PHYH: variants seen among roughly 807,000 people sequenced by gnomAD.
The protein encoded by PHYH is phytanoyl-CoA 2-hydroxylase.
In PHYH, 32 loss-of-function variants were observed where a neutral mutation model predicts 38.5. That is an observed-to-expected ratio of 0.83 (90% CI 0.63 to 1.12). The LOEUF is 1.12. Among genes scored for constraint, PHYH ranks in the 50% most tolerant of loss-of-function variants. The probability of loss-of-function intolerance (pLI) is 0.00; values close to 1 mark genes in which losing one functional copy is unlikely to be tolerated. For missense variants in PHYH, 426 were observed against 434.8 expected (o/e 0.98, Z 0.18); for synonymous variants, 166 against 157.9 (o/e 1.05, Z -0.38).
chr10:13,286,100 T>A (rs140429570), intron 6 of PHYH, among the ~76,000 whole-genome samples: 1 of 151,936 alleles, frequency 6.6e-6, no homozygotes, highest in Non-Finnish European at 1.5e-5. Context: ...TTTTTAGAAA[T>A]GAGACCTCAC....
chr10:13,298,770 A>G (rs12774490), intron 1 of PHYH, among the ~76,000 whole-genome samples: 6 of 120,584 alleles, frequency 5.0e-5, no homozygotes, highest in South Asian at 3.0e-4. Flanking sequence ...TACTGCTACT[A>G]CTACTACTAC....
chr10:13,278,479 T>C, intron 8 of PHYH, 125 bp from the exon 9 acceptor site: 2 of 734,208 alleles, frequency 2.7e-6, no homozygotes, highest in Non-Finnish European at 5.0e-6. Context: ...GGGAAAATAA[T>C]CCCTGTAAGT....
chr10:13,297,790 T>C (rs1001376281), intron 2 of PHYH, among the ~76,000 whole-genome samples: 1 of 147,874 alleles, frequency 6.8e-6, no homozygotes, highest in Non-Finnish European at 1.5e-5. Flanking sequence ...GATGTTTAAC[T>C]GAATTTTTAA....
At position 13,280,909 on chromosome 10, in the gene PHYH, G is replaced by C. The variant is rs1029713976; in HGVS notation, c.963+67C>G. On this transcript the variant is annotated intron_variant, in intron 8 of 8. Transcript: ENST00000263038. ...ATACTGTCAAATAAACTAGGTATGAGAATTATGAAGCATCTGAAGAAAAGA... is the reference window on the plus strand; with the variant it reads ...ATACTGTCAAATAAACTAGGTATGACAATTATGAAGCATCTGAAGAAAAGA... 6.9e-6 allele frequency: 10 copies of C among 1,441,252 alleles called. No homozygotes were observed. The African/African-American group carries it at 7.0e-5, about 10-fold the overall frequency. The allele number at this position is 1,441,252 out of a possible 1,614,324, so 89.3% of individuals were successfully genotyped here.
chr10:13,294,530 C>T lies in PHYH; in HGVS notation c.312G>A (p.Val104=), dbSNP rs760230842. The change falls in exon 4 of 9, where the codon GTG becomes GTA. Residue 104 remains valine, a synonymous_variant. Coordinates refer to ENST00000263038, the MANE Select transcript of PHYH (RefSeq NM_006214.4). ...GAGCATATTCGGATTTCGAAATGGT[C>T]ACATCTCTCATTACTGTTAATCCTA... ...KPLGLTVMRD[V]TISKSEYAPS... The T allele has an allele frequency of 2.4e-5, 39 of 1,613,750 alleles. No homozygotes were observed. Among genetic ancestry groups the T allele is most frequent in the Non-Finnish European group, 1.3e-5 (15 of 1,179,632 alleles).
intron 4 of PHYH, among the ~76,000 whole-genome samples, chr10:13,293,420 G>C (rs1835760510): frequency 6.6e-6 from 1 of 152,022 alleles, no homozygotes; most frequent in South Asian, 2.1e-4. Context: ...TCCTGCCTCA[G>C]CCTACTGAGT....
In PHYH at chr10:13,281,075, G is replaced by C. The variant is rs779606174; in HGVS notation, c.864C>G (p.His288Gln). Residue 288 changes from histidine to glutamine, a missense_variant, in exon 8 of 9, where the codon CAC (histidine) becomes CAG (glutamine). Coordinates refer to ENST00000263038, the MANE Select transcript of PHYH (RefSeq NM_006214.4). Reference protein sequence around the residue: ...ISCHFASADCHYIDVKGTSQE... With the variant: ...ISCHFASADCQYIDVKGTSQE... ...GACTGGTGCCCTTCACGTCAATGTAGTGGCAATCGGCACTGGCGAAATGGC... is the reference window on the plus strand; with the variant it reads ...GACTGGTGCCCTTCACGTCAATGTACTGGCAATCGGCACTGGCGAAATGGC... 1 of 1,613,984 alleles carries C rather than the reference G, an allele frequency of 6.2e-7. No individual in the cohort carries two copies. Among genetic ancestry groups the C allele is most frequent in the Non-Finnish European group, 8.5e-7 (1 of 1,179,980 alleles).
chr10:13,300,037 C>T lies in PHYH; in HGVS notation c.6G>A (p.Glu2=). 1 of 1,531,146 alleles carries T rather than the reference C, an allele frequency of 6.5e-7. No individual in the cohort carries two copies. The highest frequency in any genetic ancestry group is 8.7e-7 in the Non-Finnish European group (1 of 1,144,116). 94.8% of individuals were successfully genotyped at this position (1,531,146 alleles called of 1,614,324 possible). Residue 2 remains glutamate (E), a synonymous_variant, in exon 1 of 9, where the codon GAG becomes GAA. Transcript: ENST00000263038. ...GCAGACGGGCGGCGGCGCGAAGCTG[C>T]TCCATGGCTGCGGCGCGGGGAACCC... M[E]QLRAAARLQI...
At chr10:13,292,640 C>T (rs963361584) in intron 4 of PHYH, among the ~76,000 whole-genome samples, 1 of 152,102 alleles carries the variant, frequency 6.6e-6, no homozygotes, top group Non-Finnish European at 1.5e-5. Flanking sequence ...GCAGAAAGGG[C>T]TCAACACTGA....
intron 7 of PHYH, 114 bp downstream of exon 7, chr10:13,283,576 T>A (rs1835469841): frequency 1.8e-6 from 2 of 1,133,172 alleles, no homozygotes; most frequent in Non-Finnish European, 2.6e-6. Context: ...ATCTTTAAAA[T>A]GTTAATGCAA....
At position 13,296,682 on chromosome 10, in the gene PHYH, G is replaced by A. The variant is rs538975942; in HGVS notation, c.135-1076C>T. Among the ~76,000 whole-genome samples, 18 of 151,532 alleles carry A rather than the reference G, an allele frequency of 1.2e-4. No homozygotes were observed. In the Middle Eastern group the frequency reaches 0.021, roughly 175 times the overall value. ...TTAAGGCCATATAATAGTATGGATG[G>A]CGGGCACAGTGGCTCATGCCTGTAA... On this transcript the variant is annotated intron_variant, in intron 2 of 8. Transcript: ENST00000263038.
At position 13,280,989 on chromosome 10, in the gene PHYH, C is replaced by T. The variant is rs111664132; in HGVS notation, c.950G>A (p.Ser317Asn). 1.6e-5 allele frequency: 26 copies of T among 1,614,076 alleles called. No homozygotes were observed. In the African/African-American group the frequency reaches 2.4e-4, roughly 15 times the overall value. ...IAHKFFGAEN[S>N]VNLKDIWMFR... ...ATACAAACATACCTTCAAGTTCACG[C>T]TATTTTCAGCTCCAAAGAATTTATG... is the stretch of plus-strand genomic sequence containing the variant. The change falls in exon 8 of 9, where the codon AGC (serine) becomes AAC (asparagine). Residue 317 changes from serine to asparagine, a missense_variant. By Grantham distance (46) the Ser-to-Asn change is conservative (BLOSUM62 1). Coordinates refer to ENST00000263038, the MANE Select transcript of PHYH (RefSeq NM_006214.4).
chr10:13,299,789 C>A, intron 1 of PHYH, 179 bp downstream of exon 1: 1 of 1,314,056 alleles, frequency 7.6e-7, no homozygotes, highest in Middle Eastern at 2.8e-4. Context: ...GACGCAGCCT[C>A]TTCCCCGCTC....
At chr10:13,296,828 G>A (rs115680360) in intron 2 of PHYH, among the ~76,000 whole-genome samples, 2,042 of 151,402 alleles carry the variant, frequency 0.013, 40 homozygotes, top group African/African-American at 0.047. Flanking sequence ...GGTGTCTGGC[G>A]CCTGTAGTCC....
chr10:13,283,761 C>T lies in PHYH; in HGVS notation c.757G>A (p.Gly253Ser). ...KARVHLVMEK[G>S]DTVFFHPLLI... is the part of the protein sequence containing the mutation. ...AAAGGATGGAAGAAAACAGTGTCGC[C>T]CTTCTCCATCACCAGGTGCACCCGG... The change falls in exon 7 of 9, where the codon GGC becomes AGC. Residue 253 changes from glycine (G) to serine (S), a missense_variant. Physicochemically the swap from Gly to Ser is moderately conservative, Grantham distance 56 (BLOSUM62 0). Coordinates refer to ENST00000263038, the MANE Select transcript of PHYH (RefSeq NM_006214.4). 1 of 1,613,986 alleles carries T rather than the reference C, an allele frequency of 6.2e-7. No individual in the cohort carries two copies. Among genetic ancestry groups the T allele is most frequent in the Non-Finnish European group, 8.5e-7 (1 of 1,179,926 alleles).
intron 2 of PHYH, among the ~76,000 whole-genome samples, chr10:13,297,833 G>GA (rs1832604247): frequency 5.8e-3 from 2 of 346 alleles, no homozygotes; most frequent in African/African-American, 0.023. Flanking sequence ...TGATGGCTCA[G>GA]GCTGCAATCC....
chr10:13,278,314 C>A lies in PHYH; in HGVS notation c.1004G>T (p.Arg335Ile), dbSNP rs777898707. Residue 335 changes from arginine to isoleucine, a missense_variant, in exon 9 of 9, where the codon AGA (arginine) becomes ATA (isoleucine). Coordinates refer to ENST00000263038, the MANE Select transcript of PHYH (RefSeq NM_006214.4). ...MFRARLVKGERTNL is the reference protein window; with the variant it reads ...MFRARLVKGEITNL ...CAGATGGCTATTTCAAAGATTGGTT[C>A]TTTCTCCTTTCACAAGTCGAGCTCG... is the stretch of plus-strand genomic sequence containing the variant. 6.2e-7 allele frequency: 1 copy of A among 1,611,710 alleles called. No homozygotes were observed. The highest frequency in any genetic ancestry group is 1.7e-5 in the Admixed American group (1 of 60,008).
intron 2 of PHYH, among the ~76,000 whole-genome samples, chr10:13,297,886 G>C (rs975235068): frequency 2.0e-5 from 3 of 151,792 alleles, no homozygotes; most frequent in African/African-American, 7.3e-5. Context: ...CTTTAGCCCA[G>C]GAGTTCAACA....
chr10:13,279,066 T>C (rs1292035947), intron 8 of PHYH, among the ~76,000 whole-genome samples: 1 of 151,700 alleles, frequency 6.6e-6, no homozygotes, highest in Non-Finnish European at 1.5e-5. Flanking sequence ...TGGTACCATC[T>C]TGGCTCATTG....
Sources: gnomAD v4.1 joint callset for allele counts (sites outside exome capture counted in the v4.1 genomes callset) on GRCh38, gnomAD v4.1.1 for gene constraint, MANE v1.5 for transcripts, NCBI Gene and HGNC (gene_info 2026-07-23, HGNC 2026-07-21) for gene names.